Variants in HMCN2 observed in about 807,000 individuals in gnomAD.
HMCN2 encodes hemicentin-2.
Under a neutral mutation model 377.5 loss-of-function variants are expected in HMCN2, and 325 were observed. That is an observed-to-expected ratio of 0.86 (90% CI 0.79 to 0.94). The LOEUF is 0.94. Among genes scored for constraint, HMCN2 ranks in the 40% least tolerant of loss-of-function variants. The pLI is 0.00. For missense variants in HMCN2, 4,543 were observed against 4,725.3 expected (o/e 0.96, Z 1.13); for synonymous variants, 2,007 against 2,046.8 (o/e 0.98, Z 0.53).
At position 130,394,386 on chromosome 9, in the gene HMCN2, GC is replaced by G. The variant is rs1213171850; in HGVS notation, c.10508del (p.Pro3503LeufsTer14). The part of the protein sequence containing the change: ...RRHFQLTVME[P>X]PHIEDSGQPT... ...GTTCCCCTCCATGGTGGCTTGCAGA[GC>G]CCCCTCACATTGAGGACTCAGGCCA... On this transcript the variant is annotated frameshift_variant and splice_region_variant, in exon 69 of 98. Transcript: ENST00000683500. LOFTEE classifies it high-confidence loss of function. This position sits in a 1 kb window ranked among gnomAD's most constrained non-coding sequence, Gnocchi z 5.1. 7.8e-6 allele frequency: 10 copies of G among 1,288,816 alleles called. No individual in the cohort carries two copies. The highest frequency in any genetic ancestry group is 6.2e-5 in the South Asian group (5 of 80,942). 79.8% of individuals were successfully genotyped at this position (1,288,816 alleles called of 1,614,324 possible).
rs1840815188 is a variant in HMCN2, at chr9:130,368,418, C to T, written c.6768C>T (p.Asp2256=). The T allele has an allele frequency of 1.0e-6, 1 of 985,986 alleles. No homozygotes were observed. The highest frequency in any genetic ancestry group is 1.2e-6 in the Non-Finnish European group (1 of 830,266). 61.1% of individuals were successfully genotyped at this position (985,986 alleles called of 1,614,324 possible). ...ACGTGGTGGGGAACAGCAGCCAGGA[C>T]CTGCAGCTGGAGGTGCACGGTGGGT... ...CSNVVGNSSQ[D]LQLEVHVPPQ... Residue 2256 remains aspartate (D), a synonymous_variant, in exon 44 of 98, where the codon GAC becomes GAT. Transcript: ENST00000683500.
At chr9:130,267,358 C>T (rs1176248847) in intron 1 of HMCN2, among the ~76,000 whole-genome samples, 1 of 151,014 alleles carries the variant, frequency 6.6e-6, no homozygotes, top group Non-Finnish European at 1.5e-5. Flanking sequence ...TTTATCACAT[C>T]TCTCTATCAT....
At position 130,296,806 on chromosome 9, in the gene HMCN2, C is replaced by T. The variant is rs1391519589; in HGVS notation, c.1012+12C>T. The T allele has an allele frequency of 8.5e-6, 4 of 470,872 alleles. No homozygotes were observed. Among genetic ancestry groups the T allele is most frequent in the Non-Finnish European group, 1.8e-5 (4 of 227,006 alleles). 29.2% of individuals were successfully genotyped at this position (470,872 alleles called of 1,614,324 possible). On this transcript the variant is annotated intron_variant, in intron 7 of 97. Coordinates refer to ENST00000683500, the MANE Select transcript of HMCN2 (RefSeq NM_001291815.2). ...GTGGCCCTTGCAAGGTACAGTACCC[C>T]GACCCTACAGACAGTGCTGAGCTGC... is the stretch of plus-strand genomic sequence containing the variant.
At chr9:130,420,351 G>T (rs1303169019) in intron 86 of HMCN2, among the ~76,000 whole-genome samples, 2 of 152,240 alleles carry the variant, frequency 1.3e-5, no homozygotes, top group African/African-American at 4.8e-5. Context: ...TGGGATTACA[G>T]GCGTGAGCCA....
intron 89 of HMCN2, 39 bp downstream of exon 89, chr9:130,425,169 TGA>T (rs1281301380): frequency 1.3e-6 from 2 of 1,500,730 alleles, no homozygotes; most frequent in Non-Finnish European, 1.8e-6. Context: ...ACAGGGTAGG[TGA>T]GAGAGACGAA....
chr9:130,430,846 CTT>C, intron 95 of HMCN2: 1 of 537,272 alleles, frequency 1.9e-6, no homozygotes, highest in Non-Finnish European at 3.3e-6. Context: ...CTTCAGGACA[CTT>C]TGCCCAGAGG....
intron 54 of HMCN2, among the ~76,000 whole-genome samples, chr9:130,380,203 C>G (rs1257784767): frequency 6.6e-6 from 1 of 152,188 alleles, no homozygotes; most frequent in East Asian, 1.9e-4. Flanking sequence ...TCTTTCACCA[C>G]CTTAAGAGGT....
intron 22 of HMCN2, among the ~76,000 whole-genome samples, chr9:130,331,269 G>A (rs1838415163): frequency 6.6e-6 from 1 of 152,094 alleles, no homozygotes; most frequent in African/African-American, 2.4e-5. Flanking sequence ...GGTCATAAAT[G>A]GGACTGTTGG....
At chr9:130,334,722 T>TTTC (rs1554945747) in intron 22 of HMCN2, among the ~76,000 whole-genome samples, 17 of 138,518 alleles carry the variant, frequency 1.2e-4, no homozygotes, top group Non-Finnish European at 1.7e-4. Flanking sequence ...TCTCTCTCTC[T>TTTC]TCTCTCTTTC....
chr9:130,331,503 G>A (rs1056745332), intron 22 of HMCN2, among the ~76,000 whole-genome samples: 147 of 151,884 alleles, frequency 9.7e-4, no homozygotes, highest in African/African-American at 3.4e-3. Context: ...CTCGGAGACA[G>A]AAGACATGGG....
intron 25 of HMCN2, among the ~76,000 whole-genome samples, chr9:130,345,316 GAT>G (rs1839321781): frequency 7.0e-6 from 1 of 142,256 alleles, no homozygotes; most frequent in Non-Finnish European, 1.5e-5. Flanking sequence ...TGTGTTGTTT[GAT>G]ATGTATGCTG....
At chr9:130,341,617 C>T (rs994724769) in intron 24 of HMCN2, among the ~76,000 whole-genome samples, 5 of 152,194 alleles carry the variant, frequency 3.3e-5, no homozygotes, top group African/African-American at 1.2e-4. Context: ...ATTCCCTGTA[C>T]TCCTTACCCT....
chr9:130,269,898 C>T (rs1255179442), intron 1 of HMCN2, among the ~76,000 whole-genome samples: 7 of 148,208 alleles, frequency 4.7e-5, no homozygotes, highest in African/African-American at 1.7e-4. Flanking sequence ...GCAACCTCCA[C>T]CTCCCAGGTT....
At position 130,360,281 on chromosome 9, in the gene HMCN2, C is replaced by G. The variant is rs562196883; in HGVS notation, c.5774-147C>G. The G allele has an allele frequency of 4.1e-6, 2 of 490,398 alleles. No individual in the cohort carries two copies. Among genetic ancestry groups the G allele is most frequent in the East Asian group, 7.3e-5 (1 of 13,616 alleles). The allele number at this position is 490,398 out of a possible 1,614,324, so 30.4% of individuals were successfully genotyped here. ...ACACCAGCAGAGTCTGACGGGCTGG[C>G]AGCACCCTTGCTTCTCTCTTCCATT... On this transcript the variant is annotated intron_variant, in intron 37 of 97. Coordinates refer to ENST00000683500, the MANE Select transcript of HMCN2 (RefSeq NM_001291815.2). The surrounding 1 kb of genome is among the most constrained non-coding windows in gnomAD (Gnocchi z 4.7).
chr9:130,346,479 AG>A (rs1477019976), intron 25 of HMCN2, among the ~76,000 whole-genome samples: 2 of 123,916 alleles, frequency 1.6e-5, no homozygotes, highest in African/African-American at 6.2e-5. Flanking sequence ...GGCTGGAGGC[AG>A]GGGGGTGTGG....
At position 130,361,819 on chromosome 9, in the gene HMCN2, CATG is replaced by C. The variant is rs1288184714; in HGVS notation, c.5951-188_5951-186del. On this transcript the variant is annotated intron_variant, in intron 38 of 97. Transcript: ENST00000683500. The surrounding 1 kb of genome is among the most constrained non-coding windows in gnomAD (Gnocchi z 4.8). ...CTCAGTTTCCCATCTATAGAAGCCT[CATG>C]GTGGTGTTGAAAGGATGGAAGTAGC... is the stretch of plus-strand genomic sequence containing the variant. 1.3e-5 allele frequency among the ~76,000 whole-genome samples: 2 copies of C among 152,208 alleles called. No individual in the cohort carries two copies.
intron 1 of HMCN2, among the ~76,000 whole-genome samples, chr9:130,273,519 A>G (rs1166515353): frequency 6.6e-6 from 1 of 151,156 alleles, no homozygotes; most frequent in East Asian, 1.9e-4. Flanking sequence ...TATTTTTGAG[A>G]CTGAGTCTCA....
intron 28 of HMCN2, 67 bp downstream of exon 28, chr9:130,349,198 A>T (rs1168925771): frequency 1.6e-6 from 2 of 1,265,258 alleles, no homozygotes; most frequent in Non-Finnish European, 2.1e-6. Context: ...TCTTGCAGGC[A>T]CACCGGGGGA....
At chr9:130,396,872 A>G (rs1186045175) in intron 73 of HMCN2, among the ~76,000 whole-genome samples, 1 of 152,200 alleles carries the variant, frequency 6.6e-6, no homozygotes, top group Non-Finnish European at 1.5e-5. Flanking sequence ...TCTCAGGAAG[A>G]GCAGGGTGCT....
Sources: gnomAD v4.1 joint callset for allele counts (sites outside exome capture counted in the v4.1 genomes callset) on GRCh38, gnomAD v4.1.1 for gene constraint, Gnocchi (gnomAD v3.1) non-coding constraint, MANE v1.5 for transcripts, NCBI Gene and HGNC (gene_info 2026-07-23, HGNC 2026-07-21) for gene names.